DPM2: variants seen among roughly 807,000 people sequenced by gnomAD.
DPM2 encodes dolichyl-phosphate mannosyltransferase subunit 2, regulatory.
Under a neutral mutation model 12.1 loss-of-function variants are expected in DPM2, and 8 were observed. That is an observed-to-expected ratio of 0.66 (90% CI 0.39 to 1.19). The LOEUF is 1.19. Ranked by LOEUF, DPM2 falls within the 50% of genes most tolerant of loss-of-function variation. DPM2 has a pLI of 0.01. For synonymous variants in DPM2, 38 were observed against 44.7 expected, an observed-to-expected ratio of 0.85 and a Z score of 0.60; for missense variants, 93 against 102.5, an observed-to-expected ratio of 0.91 and a Z score of 0.40.
At chr9:127,936,406 C>A in intron 3 of DPM2, 147 bp downstream of exon 3, 2 of 1,574,626 alleles carry the variant, frequency 1.3e-6, no homozygotes, top group African/African-American at 2.7e-5. Context: ...AGGTTACTGA[C>A]TGGCAGCCTC....
intron 3 of DPM2, 117 bp downstream of exon 3, chr9:127,936,436 C>G (rs1831505847): frequency 6.2e-7 from 1 of 1,606,068 alleles, no homozygotes; most frequent in Non-Finnish European, 8.5e-7. Flanking sequence ...ACAGGAAAAC[C>G]CCACGGGTGA....
At chr9:127,937,648 G>A (rs1831531013) in intron 1 of DPM2, 125 bp from the exon 2 acceptor site, 14 of 1,201,918 alleles carry the variant, frequency 1.2e-5, no homozygotes, top group Non-Finnish European at 1.7e-5. Context: ...GGGCTGACTA[G>A]GGATCAGTTT....
In DPM2 at chr9:127,935,435, G is replaced by C. The variant is rs1158844141; in HGVS notation, c.*287C>G. On this transcript the variant is annotated 3_prime_UTR_variant, in exon 4 of 4. Coordinates refer to ENST00000314392, the MANE Select transcript of DPM2 (RefSeq NM_003863.4). ...GACGGCAGAACCCAGGGGAAAAGGT[G>C]GCAGGGAGTCTGAGAGTGAGGTTGG... The C allele has an allele frequency of 1.9e-6, 1 of 513,254 alleles. No individual in the cohort carries two copies. 31.8% of individuals were successfully genotyped at this position (513,254 alleles called of 1,614,324 possible).
intron 2 of DPM2, chr9:127,937,022 G>A (rs1588690015): frequency 3.5e-6 from 1 of 284,770 alleles, no homozygotes. Flanking sequence ...AGGATACCAA[G>A]TTCTGCACTT....
chr9:127,936,336 G>T, intron 3 of DPM2: 2 of 1,493,640 alleles, frequency 1.3e-6, no homozygotes, highest in Middle Eastern at 1.8e-4. Context: ...TGGGGTTGGG[G>T]CAGGAAAGAG....
chr9:127,937,271 TA>T lies in DPM2; in HGVS notation c.93+162del, dbSNP rs570867940. 8.7e-4 allele frequency: 490 copies of T among 565,908 alleles called. 3 individuals carry two copies. Among genetic ancestry groups the T allele is most frequent in the African/African-American group, 8.4e-3 (441 of 52,556 alleles). The allele number at this position is 565,908 out of a possible 1,614,324, so 35.1% of individuals were successfully genotyped here. On this transcript the variant is annotated intron_variant, in intron 2 of 3. Transcript: ENST00000314392. ...CCCCTAGCCTCAGCTATCTCATCTATAAAATGCGGTACCACTGGCATCTTCC... is the reference window on the plus strand; with the variant it reads ...CCCCTAGCCTCAGCTATCTCATCTATAAATGCGGTACCACTGGCATCTTCC...
rs563602779 is a variant in DPM2, at chr9:127,936,602, A to G, written c.147T>C (p.Tyr49=). The part of the protein sequence containing the change: ...VIHKYFLPRA[Y]AVAIPLAAGL... Reference sequence around the variant, plus strand: ...CTGCAGCCAGTGGGATGGCGACAGCATAGGCTCGGGGCAGGAAATACTTGT... The same window carrying G: ...CTGCAGCCAGTGGGATGGCGACAGCGTAGGCTCGGGGCAGGAAATACTTGT... The change falls in exon 3 of 4, where the codon TAT becomes TAC. Residue 49 remains tyrosine (Y), a synonymous_variant. Coordinates refer to ENST00000314392, the MANE Select transcript of DPM2 (RefSeq NM_003863.4). The G allele has an allele frequency of 6.5e-7, 1 of 1,544,968 alleles. No homozygotes were observed. The highest frequency in any genetic ancestry group is 8.7e-7 in the Non-Finnish European group (1 of 1,144,002).
Position 127,935,555 on chromosome 9 carries a change from AG to A in DPM2, c.*166del. 5.8e-6 allele frequency: 4 copies of A among 685,100 alleles called. No homozygotes were observed. In the South Asian group the frequency reaches 6.6e-5, roughly 11 times the overall value. The allele number at this position is 685,100 out of a possible 1,614,324, so 42.4% of individuals were successfully genotyped here. A position where few individuals can be genotyped will look rare whatever the true frequency, so the allele number is the denominator to read the frequency against. ...TAGCTTCTGGAAGTGGGAGTCGGGGAGGGGGCTCCAGTCAGTCAGGTGTAAG... is the reference window on the plus strand; with the variant it reads ...TAGCTTCTGGAAGTGGGAGTCGGGGAGGGGCTCCAGTCAGTCAGGTGTAAG... On this transcript the variant is annotated 3_prime_UTR_variant, in exon 4 of 4. Coordinates refer to ENST00000314392, the MANE Select transcript of DPM2 (RefSeq NM_003863.4).
At position 127,935,299 on chromosome 9, in the gene DPM2, G is replaced by C. The variant is rs903570624; in HGVS notation, c.*423C>G. 1.1e-5 allele frequency: 3 copies of C among 277,676 alleles called. No homozygotes were observed. The highest frequency in any genetic ancestry group is 6.7e-5 in the African/African-American group (3 of 44,488). 17.2% of individuals were successfully genotyped at this position (277,676 alleles called of 1,614,324 possible). On this transcript the variant is annotated 3_prime_UTR_variant, in exon 4 of 4. Transcript: ENST00000314392. ...CTTTGTGGGGTCTGGGGCTGTGTCA[G>C]GGTAAGGAAAGCTGCCTTGGTGGAG...
chr9:127,936,793 C>CCGTAATCTTAA, intron 2 of DPM2, 138 bp from the exon 3 acceptor site: 1 of 693,024 alleles, frequency 1.4e-6, no homozygotes, highest in Non-Finnish European at 2.1e-6. Flanking sequence ...AAGATTACGG[C>CCGTAATCTTAA]ATTTGGGTGT....
At chr9:127,936,681 G>C in intron 2 of DPM2, 26 bp from the exon 3 acceptor site, 1 of 1,471,420 alleles carries the variant, frequency 6.8e-7, no homozygotes, top group Non-Finnish European at 9.0e-7. Context: ...GAGCTCTGGT[G>C]TGTCTTGCTT....
chr9:127,937,272 A>G, intron 2 of DPM2, 162 bp downstream of exon 2: 1 of 566,514 alleles, frequency 1.8e-6, no homozygotes. Context: ...TCTCATCTAT[A>G]AAATGCGGTA....
In DPM2 at chr9:127,937,853, C is replaced by G. The variant is rs1175515174; in HGVS notation, c.-33G>C. ...CGCGCTCAGCCACCCGAGCCGCAAGCCACATCCGGTTCCGGGTCCACGCTC... is the reference window on the plus strand; with the variant it reads ...CGCGCTCAGCCACCCGAGCCGCAAGGCACATCCGGTTCCGGGTCCACGCTC... On this transcript the variant is annotated 5_prime_UTR_variant, in exon 1 of 4. Coordinates refer to ENST00000314392, the MANE Select transcript of DPM2 (RefSeq NM_003863.4). 1 of 1,607,442 alleles carries G rather than the reference C, an allele frequency of 6.2e-7. No homozygotes were observed. The highest frequency in any genetic ancestry group is 1.7e-5 in the Admixed American group (1 of 59,236).
intron 3 of DPM2, 148 bp from the exon 4 acceptor site, chr9:127,935,928 C>A: frequency 4.2e-6 from 3 of 706,708 alleles, no homozygotes; most frequent in Non-Finnish European, 7.3e-6. Context: ...CCTAGTCATT[C>A]GTCAAGGCAT....
intron 1 of DPM2, 85 bp from the exon 2 acceptor site, chr9:127,937,608 G>A: frequency 7.6e-7 from 1 of 1,313,622 alleles, no homozygotes; most frequent in Non-Finnish European, 1.1e-6. Context: ...CCCGATCACG[G>A]TCTAAGCTTC....
At chr9:127,937,336 G>A (rs914560322) in intron 2 of DPM2, 98 bp downstream of exon 2, 66 of 880,902 alleles carry the variant, frequency 7.5e-5, no homozygotes, top group Non-Finnish European at 1.0e-4. Context: ...GATGAGGCAG[G>A]CAATGAAGCC....
chr9:127,936,571 G>A lies in DPM2; in HGVS notation c.178C>T (p.Leu60=), dbSNP rs2131648105. The change falls in exon 3 of 4, where the codon CTG becomes TTG. Residue 60 remains leucine, a synonymous_variant. Coordinates refer to ENST00000314392, the MANE Select transcript of DPM2 (RefSeq NM_003863.4). The part of the protein sequence containing the change: ...AVAIPLAAGL[L]LLLFVGLFIS... ...GACTTACCCACAAACAGGAGCAGCA[G>A]GAGGCCTGCAGCCAGTGGGATGGCG... 1.9e-6 allele frequency: 3 copies of A among 1,581,738 alleles called. No homozygotes were observed. The highest frequency in any genetic ancestry group is 2.6e-6 in the Non-Finnish European group (3 of 1,160,406).
chr9:127,936,959 A>T, intron 2 of DPM2: 1 of 352,100 alleles, frequency 2.8e-6, no homozygotes, highest in South Asian at 1.2e-4. Context: ...GGAATCCTCG[A>T]CTGACTCCCA....
intron 2 of DPM2, chr9:127,937,099 G>C (rs1831518974): frequency 3.5e-6 from 1 of 286,824 alleles, no homozygotes; most frequent in South Asian, 1.3e-4. Context: ...TATCCTAAAG[G>C]CCTTCACAAA....
Sources: allele counts gnomAD v4.1 joint callset, GRCh38; gene constraint gnomAD v4.1.1; transcripts MANE v1.5; gene names NCBI Gene and HGNC (gene_info 2026-07-23, HGNC 2026-07-21).